NLRP5: variants seen among roughly 807,000 people sequenced by gnomAD.
NLRP5 encodes the protein NLR family pyrin domain containing 5, also known as NACHT, LRR and PYD domains-containing protein 5.
Under a neutral mutation model 113.1 loss-of-function variants are expected in NLRP5, and 93 were observed. That is an observed-to-expected ratio of 0.82 (90% CI 0.70 to 0.98). The LOEUF is 0.98. Ranked by LOEUF, NLRP5 falls within the 50% of genes least tolerant of loss-of-function variation. The pLI, the probability that NLRP5 is intolerant of heterozygous loss-of-function variation, is 0.00. For missense variants in NLRP5, 1,808 were observed against 1,514.3 expected, an observed-to-expected ratio of 1.19 and a Z score of -3.22; for synonymous variants, 751 against 600.7, an observed-to-expected ratio of 1.25 and a Z score of -3.66.
upstream of NLRP5, among the ~76,000 whole-genome samples, chr19:55,995,660 A>C (rs1981301569): frequency 6.6e-6 from 1 of 152,144 alleles, no homozygotes; most frequent in South Asian, 2.1e-4. Context: ...ATTGCATTGA[A>C]TCTGTAGATT....
chr19:56,046,753 C>T (rs1004514497), intron 11 of NLRP5, among the ~76,000 whole-genome samples: 48 of 152,082 alleles, frequency 3.2e-4, no homozygotes, highest in Non-Finnish European at 6.3e-4. Flanking sequence ...ACCGTGGTCT[C>T]GATCTCCTGA....
intron 8 of NLRP5, among the ~76,000 whole-genome samples, 198 bp downstream of exon 8, chr19:56,032,979 C>T (rs1428711728): frequency 1.3e-5 from 2 of 152,156 alleles, no homozygotes; most frequent in Non-Finnish European, 2.9e-5. Flanking sequence ...GGCGCAGTGG[C>T]TCATGCCTGT....
intron 6 of NLRP5, among the ~76,000 whole-genome samples, chr19:56,023,960 T>C (rs1194983046): frequency 6.6e-6 from 1 of 152,086 alleles, no homozygotes; most frequent in Non-Finnish European, 1.5e-5. Context: ...GATATGAATC[T>C]TTTTCACGTT....
chr19:56,004,070 G>A lies in NLRP5; in HGVS notation c.417G>A (p.Ser139=), dbSNP rs759022034. The change falls in exon 2 of 15, where the codon TCG becomes TCA. Residue 139 remains serine (S), a synonymous_variant. Transcript: ENST00000390649. ...AAAACATGAACCTGCGAACCCTCTC[G>A]GAGAAGGCACGGGATGACATGAAAA... The A allele has an allele frequency of 1.4e-5, 22 of 1,611,056 alleles. No homozygotes were observed. Among genetic ancestry groups the A allele is most frequent in the Middle Eastern group, 1.7e-4 (1 of 6,050 alleles).
At chr19:56,011,653 T>C (rs1046363976) in intron 3 of NLRP5, among the ~76,000 whole-genome samples, 3 of 151,700 alleles carry the variant, frequency 2.0e-5, no homozygotes, top group African/African-American at 7.3e-5. Flanking sequence ...CAGACTGAGA[T>C]GTCATCTTTG....
At chr19:55,998,686 A>ATGTGTGTGTGTG (rs1374764391), upstream of NLRP5, among the ~76,000 whole-genome samples, 48 of 47,544 alleles carry the variant, frequency 1.0e-3, 1 homozygote, top group South Asian at 3.0e-3. Flanking sequence ...ATATATATAT[A>ATGTGTGTGTGTG]TATATATATA....
rs368914781 is a variant in NLRP5 at position 56,028,334 on chromosome 19, C to T, written c.2101C>T (p.Arg701Cys). Reference sequence around the variant, plus strand: ...CGAGACTCAAGACAAAGAGTTTGTTCGCTTGGCATTAAACAGCTTCCAAGA... The same window carrying T: ...CGAGACTCAAGACAAAGAGTTTGTTTGCTTGGCATTAAACAGCTTCCAAGA... Residue 701 changes from arginine (R) to cysteine (C), a missense_variant, in exon 7 of 15, where the codon CGC (arginine) becomes TGC (cysteine). Transcript: ENST00000390649. 12 of 1,613,860 alleles carry T rather than the reference C, an allele frequency of 7.4e-6. No homozygotes were observed. Among genetic ancestry groups the T allele is most frequent in the South Asian group, 6.6e-5 (6 of 91,076 alleles).
At chr19:56,010,291 A>G (rs1023660795) in intron 3 of NLRP5, among the ~76,000 whole-genome samples, 1 of 152,182 alleles carries the variant, frequency 6.6e-6, no homozygotes, top group Non-Finnish European at 1.5e-5. Context: ...ACATGGTTAA[A>G]TTGAGGCAAG....
intron 3 of NLRP5, among the ~76,000 whole-genome samples, chr19:56,013,668 T>C (rs1982299124): frequency 6.8e-6 from 1 of 146,244 alleles, no homozygotes; most frequent in Non-Finnish European, 1.5e-5. Context: ...TTTGTGTAGA[T>C]GTGTTTTTGA....
Position 56,018,013 on chromosome 19 carries a change from C to G in NLRP5, c.566-1329C>G, listed in dbSNP as rs182131591. On this transcript the variant is annotated intron_variant, in intron 4 of 14. Transcript: ENST00000390649. The stretch of plus-strand genomic sequence containing the variant: ...ATCAGAAGATCATATGGTCTCTACC[C>G]GTAATATATGACCCATTTTTACACA... Among the ~76,000 whole-genome samples, 626 of 152,246 alleles carry G rather than the reference C, an allele frequency of 4.1e-3. 3 individuals carry two copies. The highest frequency in any genetic ancestry group is 7.2e-3 in the Non-Finnish European group (492 of 68,006).
At position 56,055,533 on chromosome 19, in the gene NLRP5, C is replaced by CTTTTTTTTTTTTTTTTTTTTTT. The variant is rs1491011983; in HGVS notation, c.3299+1726_3299+1727insTTTTTTTTTTTTTTTTTTTTTT. 1.3e-4 allele frequency among the ~76,000 whole-genome samples: 13 copies of CTTTTTTTTTTTTTTTTTTTTTT among 99,498 alleles called. 1 individual carries two copies. The highest frequency in any genetic ancestry group is 6.5e-4 in the South Asian group (2 of 3,074). The allele number at this position is 99,498 out of a possible 152,430, so 65.3% of individuals were successfully genotyped here. A position where few individuals can be genotyped will look rare whatever the true frequency, so the allele number is the denominator to read the frequency against. ...AGCTCCATGTTCTATTTTTCTTTCT[C>CTTTTTTTTTTTTTTTTTTTTTT]TGTCTTTTTTTTTTTTTTTTTTTTT... On this transcript the variant is annotated intron_variant, in intron 13 of 14. Transcript: ENST00000390649.
intron 4 of NLRP5, among the ~76,000 whole-genome samples, chr19:56,017,454 G>T (rs1280268127): frequency 6.6e-6 from 1 of 152,080 alleles, no homozygotes; most frequent in Admixed American, 6.6e-5. Flanking sequence ...CTACCTACAC[G>T]CTGTAAATAT....
rs71183002 is a variant in NLRP5 at position 56,013,596 on chromosome 19, GTTTTTTTT to G, written c.509-2132_509-2125del. 1.5e-3 allele frequency among the ~76,000 whole-genome samples: 90 copies of G among 59,292 alleles called. 6 individuals carry two copies. The Middle Eastern group carries it at 0.044, about 29-fold the overall frequency. 38.9% of individuals were successfully genotyped at this position (59,292 alleles called of 152,430 possible). On this transcript the variant is annotated intron_variant, in intron 3 of 14. Transcript: ENST00000390649. ...CATTTATCACATGATGGACATTTGG[GTTTTTTTT>G]TTTTTTTTTTTTTGCTATTATGAAC...
chr19:56,009,929 T>A (rs564190502), intron 3 of NLRP5, among the ~76,000 whole-genome samples: 1 of 152,346 alleles, frequency 6.6e-6, no homozygotes, highest in African/African-American at 2.4e-5. Context: ...GCTCAGAGTT[T>A]GATGTCAATC....
chr19:55,998,728 A>ATGTGTATATATATATATATG (rs1555762465), upstream of NLRP5, among the ~76,000 whole-genome samples: 6 of 130,322 alleles, frequency 4.6e-5, no homozygotes, highest in African/African-American at 9.7e-5. Flanking sequence ...ATATATATAT[A>ATGTGTATATATATATATATG]TGTGTATATA....
At chr19:56,050,310 C>G in intron 11 of NLRP5, 108 bp from the exon 12 acceptor site, 1 of 1,025,834 alleles carries the variant, frequency 9.7e-7, no homozygotes, top group East Asian at 2.6e-5. Flanking sequence ...AAATATGACC[C>G]CACCCTACAC....
At chr19:56,016,166 A>C (rs73068185) in intron 4 of NLRP5, among the ~76,000 whole-genome samples, 12,047 of 151,970 alleles carry the variant, frequency 0.079, 558 homozygotes, top group South Asian at 0.16. Flanking sequence ...TTATTTATTT[A>C]TTTTGAGATG....
At chr19:56,024,836 T>TC (rs1312597151) in intron 6 of NLRP5, among the ~76,000 whole-genome samples, 1 of 151,650 alleles carries the variant, frequency 6.6e-6, no homozygotes, top group Non-Finnish European at 1.5e-5. Context: ...ACAGCAGGGG[T>TC]CCCCAACCCC....
chr19:56,038,986 C>G (rs1983421038), intron 10 of NLRP5, among the ~76,000 whole-genome samples: 1 of 152,140 alleles, frequency 6.6e-6, no homozygotes, highest in African/African-American at 2.4e-5. Flanking sequence ...CACTTGCTTA[C>G]TGATAACTGA....
Sources: allele counts gnomAD v4.1 joint callset (sites outside exome capture counted in the v4.1 genomes callset), GRCh38; gene constraint gnomAD v4.1.1; transcripts MANE v1.5; gene names NCBI Gene and HGNC (gene_info 2026-07-23, HGNC 2026-07-21).